POU6F2: variants seen among roughly 807,000 people sequenced by gnomAD.
POU6F2 encodes POU domain, class 6, transcription factor 2.
In POU6F2, 31 loss-of-function variants were observed where a neutral mutation model predicts 71.3. The ratio of observed to expected loss-of-function variants is 0.43; its 90% CI spans 0.33 to 0.59. The LOEUF (loss-of-function observed/expected upper bound fraction) is 0.59, where lower values mean the gene tolerates loss of function less well. Ranked by LOEUF, POU6F2 falls within the 20% of genes least tolerant of loss-of-function variation. The pLI is 0.04. For synonymous variants in POU6F2, 347 were observed against 355.7 expected, an observed-to-expected ratio of 0.98 and a Z score of 0.27; for missense variants, 783 against 856.8, an observed-to-expected ratio of 0.91 and a Z score of 1.07.
chr7:39,462,107 CA>C (rs773288016), intron 9 of POU6F2, among the ~76,000 whole-genome samples: 12 of 152,202 alleles, frequency 7.9e-5, no homozygotes, highest in Non-Finnish European at 1.3e-4. Flanking sequence ...TTTATTGATA[CA>C]AGTGCTGGCT....
chr7:39,119,903 C>T (rs1183567437), intron 2 of POU6F2, among the ~76,000 whole-genome samples: 1 of 152,122 alleles, frequency 6.6e-6, no homozygotes, highest in African/African-American at 2.4e-5. Flanking sequence ...GCTTGCAATT[C>T]ACAGAATTAG....
At chr7:39,241,560 T>C (rs944713018) in intron 4 of POU6F2, among the ~76,000 whole-genome samples, 8 of 152,014 alleles carry the variant, frequency 5.3e-5, no homozygotes, top group Non-Finnish European at 7.4e-5. Flanking sequence ...GGGGAGAGTT[T>C]GATCCAATGA....
At chr7:39,355,985 G>A (rs951315364) in intron 5 of POU6F2, among the ~76,000 whole-genome samples, 1 of 152,086 alleles carries the variant, frequency 6.6e-6, no homozygotes, top group Admixed American at 6.5e-5. Context: ...AGGTCCACAG[G>A]CCCCTGGTCA....
At chr7:39,394,445 G>C (rs1315097391) in intron 5 of POU6F2, among the ~76,000 whole-genome samples, 2 of 152,146 alleles carry the variant, frequency 1.3e-5, no homozygotes, top group African/African-American at 4.8e-5. Flanking sequence ...TGAACATTGA[G>C]GTGTTTTCAT....
intron 4 of POU6F2, among the ~76,000 whole-genome samples, chr7:39,305,501 ACT>A (rs2128765686): frequency 6.6e-6 from 1 of 152,322 alleles, no homozygotes; most frequent in African/African-American, 2.4e-5. Context: ...GAGTTAGCCT[ACT>A]CACAAGCATT....
At chr7:39,366,032 G>A (rs1786493061) in intron 5 of POU6F2, among the ~76,000 whole-genome samples, 1 of 152,234 alleles carries the variant, frequency 6.6e-6, no homozygotes, top group African/African-American at 2.4e-5. Context: ...AACTCTAGGG[G>A]ATGGGATGCT....
At chr7:39,039,110 C>G (rs1790125281) in intron 1 of POU6F2, among the ~76,000 whole-genome samples, 1 of 151,978 alleles carries the variant, frequency 6.6e-6, no homozygotes, top group South Asian at 2.1e-4. Flanking sequence ...AGATTAGGGC[C>G]TCTAGGGTGT....
At chr7:39,369,649 CCACCAT>C (rs1786569916) in intron 5 of POU6F2, among the ~76,000 whole-genome samples, 1 of 152,118 alleles carries the variant, frequency 6.6e-6, no homozygotes, top group Non-Finnish European at 1.5e-5. Flanking sequence ...CAAGCATGAG[CCACCAT>C]GCCCAGTCAA....
At chr7:39,252,529 A>G (rs1446909374) in intron 4 of POU6F2, among the ~76,000 whole-genome samples, 1 of 152,116 alleles carries the variant, frequency 6.6e-6, no homozygotes, top group Non-Finnish European at 1.5e-5. Flanking sequence ...TGAAATGAAA[A>G]GCATTAACCC....
chr7:39,150,922 G>T (rs1792743251), intron 2 of POU6F2, among the ~76,000 whole-genome samples: 1 of 151,966 alleles, frequency 6.6e-6, no homozygotes, highest in Non-Finnish European at 1.5e-5. Context: ...GATGATGAAT[G>T]ATGTTGAGCG....
chr7:39,407,677 T>A (rs1787464759), intron 6 of POU6F2, among the ~76,000 whole-genome samples: 1 of 152,010 alleles, frequency 6.6e-6, no homozygotes, highest in African/African-American at 2.4e-5. Flanking sequence ...GTTTGCATAC[T>A]CCCTGCTTGG....
chr7:39,389,600 T>G (rs1057113816), intron 5 of POU6F2, among the ~76,000 whole-genome samples: 13 of 152,148 alleles, frequency 8.5e-5, no homozygotes, highest in Non-Finnish European at 1.8e-4. Context: ...CTAAGGAAAA[T>G]AGAGGACCAA....
At chr7:39,212,834 G>A (rs1794170768) in intron 4 of POU6F2, among the ~76,000 whole-genome samples, 1 of 152,240 alleles carries the variant, frequency 6.6e-6, no homozygotes, top group Non-Finnish European at 1.5e-5. Flanking sequence ...GAGGTTGTTA[G>A]TTGATGTAGC....
intron 6 of POU6F2, among the ~76,000 whole-genome samples, chr7:39,419,143 A>C (rs1235848037): frequency 7.1e-6 from 1 of 140,488 alleles, no homozygotes; most frequent in Non-Finnish European, 1.5e-5. Flanking sequence ...ACATATATAT[A>C]CGTATATATG....
chr7:39,287,299 CCT>C (rs1784668202), intron 4 of POU6F2, among the ~76,000 whole-genome samples: 1 of 152,088 alleles, frequency 6.6e-6, no homozygotes, highest in Non-Finnish European at 1.5e-5. Context: ...ATCGTAGTTC[CCT>C]CAAGGCTTGT....
intron 1 of POU6F2, among the ~76,000 whole-genome samples, chr7:39,048,558 G>A (rs910785382): frequency 6.6e-6 from 1 of 151,910 alleles, no homozygotes; most frequent in Admixed American, 6.6e-5. Context: ...TGGTGTATAT[G>A]TACCGTGTTT....
intron 4 of POU6F2, among the ~76,000 whole-genome samples, chr7:39,297,011 A>T (rs1157726908): frequency 1.3e-5 from 2 of 152,198 alleles, no homozygotes; most frequent in Non-Finnish European, 2.9e-5. Flanking sequence ...AGAGCTTTTA[A>T]TTCTAAAATA....
chr7:39,453,754 C>G (rs1788716034), intron 8 of POU6F2, among the ~76,000 whole-genome samples: 1 of 152,174 alleles, frequency 6.6e-6, no homozygotes, highest in Admixed American at 6.5e-5. Flanking sequence ...CATATAAGTT[C>G]TAGGTTTATG....
intron 2 of POU6F2, among the ~76,000 whole-genome samples, chr7:39,099,748 A>G (rs1165679016): frequency 6.6e-6 from 1 of 152,184 alleles, no homozygotes; most frequent in South Asian, 2.1e-4. Context: ...GAAGGCAAAT[A>G]AGATGCCTGC....
Sources: allele counts gnomAD v4.1 joint callset (sites outside exome capture counted in the v4.1 genomes callset), GRCh38; gene constraint gnomAD v4.1.1; transcripts MANE v1.5; gene names NCBI Gene and HGNC (gene_info 2026-07-23, HGNC 2026-07-21).